The following RHCE variants were observed in gnomAD, a reference collection of about 807,000 sequenced individuals.
RHCE encodes the protein blood group Rh(CE) polypeptide.
In RHCE, 22 loss-of-function variants were observed where a neutral mutation model predicts 43.8. The ratio of observed to expected loss-of-function variants is 0.50; its 90% CI spans 0.36 to 0.72. The LOEUF is 0.72. RHCE is among the 30% of genes least tolerant of loss of function. RHCE has a pLI of 0.00. For missense variants in RHCE, 385 were observed against 525.4 expected (o/e 0.73, Z 2.61); for synonymous variants, 156 against 210.7 (o/e 0.74, Z 2.25).
rs1645426368 is a variant in RHCE at position 25,362,407 on chromosome 1, G to A, written c.*120C>T. 1.9e-6 allele frequency: 3 copies of A among 1,610,988 alleles called. No homozygotes were observed. Among genetic ancestry groups the A allele is most frequent in the South Asian group, 2.2e-5 (2 of 90,642 alleles). ...TAATATCAAATCTGTCTCTGACCTT[G>A]TTTCATTATACATAAGGAGACTTTG... On this transcript the variant is annotated 3_prime_UTR_variant, in exon 10 of 10. Coordinates refer to ENST00000294413, the MANE Select transcript of RHCE (RefSeq NM_020485.8).
At chr1:25,391,129 C>A (rs1218222323) in intron 4 of RHCE, among the ~76,000 whole-genome samples, 1 of 152,144 alleles carries the variant, frequency 6.6e-6, no homozygotes, top group African/African-American at 2.4e-5. Context: ...GGGTTGAAAT[C>A]TGCATACCCC....
intron 1 of RHCE, among the ~76,000 whole-genome samples, chr1:25,415,034 T>C (rs980716668): frequency 1.3e-5 from 2 of 152,074 alleles, no homozygotes; most frequent in Non-Finnish European, 2.9e-5. Flanking sequence ...AGAATGAACA[T>C]ATCATTGTTC....
upstream of RHCE, among the ~76,000 whole-genome samples, chr1:25,423,065 A>C (rs1220697053): frequency 6.6e-6 from 1 of 152,088 alleles, no homozygotes; most frequent in African/African-American, 2.4e-5. Flanking sequence ...GTCTTCTTCC[A>C]ATTCTAAAAG....
At chr1:25,413,089 C>G (rs1375527077) in intron 1 of RHCE, among the ~76,000 whole-genome samples, 1 of 152,124 alleles carries the variant, frequency 6.6e-6, no homozygotes, top group African/African-American at 2.4e-5. Context: ...ACAGCTGCTG[C>G]CCCTGATCCC....
intron 7 of RHCE, 179 bp downstream of exon 7, chr1:25,385,532 A>G (rs1646126463): frequency 1.1e-6 from 1 of 947,608 alleles, no homozygotes; most frequent in Non-Finnish European, 1.7e-6. Context: ...GAGAGGTGAT[A>G]AATCCATCCA....
intron 6 of RHCE, among the ~76,000 whole-genome samples, chr1:25,388,534 G>A (rs1439169913): frequency 6.6e-6 from 1 of 150,904 alleles, no homozygotes; most frequent in Admixed American, 6.6e-5. Context: ...TGGGATTGGG[G>A]CCAAGAGATT....
chr1:25,424,459 C>A (rs2042790330), upstream of RHCE, among the ~76,000 whole-genome samples: 1 of 152,084 alleles, frequency 6.6e-6, no homozygotes, highest in Non-Finnish European at 1.5e-5. Context: ...ACAATCTCGG[C>A]TCACTGCAAC....
intron 2 of RHCE, among the ~76,000 whole-genome samples, chr1:25,405,224 G>A (rs1646879185): frequency 6.6e-6 from 1 of 152,090 alleles, no homozygotes; most frequent in Non-Finnish European, 1.5e-5. Context: ...TAGGCGTGGT[G>A]GTGTGCACCC....
intron 1 of RHCE, among the ~76,000 whole-genome samples, chr1:25,418,644 G>C (rs1423633383): frequency 6.6e-6 from 1 of 152,214 alleles, no homozygotes; most frequent in Admixed American, 6.5e-5. Flanking sequence ...GCAATGTTAA[G>C]CCCAAGCTCA....
intron 7 of RHCE, among the ~76,000 whole-genome samples, chr1:25,382,953 G>A (rs972776322): frequency 6.6e-6 from 1 of 152,086 alleles, no homozygotes; most frequent in Non-Finnish European, 1.5e-5. Context: ...GAAATAGAAG[G>A]GAAATGGGAG....
At chr1:25,377,752 A>G (rs1380536628) in intron 7 of RHCE, among the ~76,000 whole-genome samples, 1 of 152,132 alleles carries the variant, frequency 6.6e-6, no homozygotes, top group African/African-American at 2.4e-5. Flanking sequence ...TGTCTATACA[A>G]AAATTCGGTG....
At chr1:25,418,864 T>C (rs190455828) in intron 1 of RHCE, among the ~76,000 whole-genome samples, 192 of 152,290 alleles carry the variant, frequency 1.3e-3, no homozygotes, top group Non-Finnish European at 1.9e-3. Flanking sequence ...CTGAGGACAT[T>C]TTGTACCTAC....
intron 8 of RHCE, among the ~76,000 whole-genome samples, chr1:25,372,536 T>C (rs1453841965): frequency 6.6e-6 from 1 of 151,084 alleles, no homozygotes; most frequent in African/African-American, 2.5e-5. Flanking sequence ...AAAAAAAGAA[T>C]TTCTCTTCCT....
chr1:25,386,925 G>A (rs917276820), intron 6 of RHCE, among the ~76,000 whole-genome samples: 3 of 152,024 alleles, frequency 2.0e-5, no homozygotes, highest in Non-Finnish European at 4.4e-5. Context: ...CAGCTACTCA[G>A]GAGGCTGAGG....
At chr1:25,419,211 A>G (rs1184834957) in intron 1 of RHCE, among the ~76,000 whole-genome samples, 1 of 152,236 alleles carries the variant, frequency 6.6e-6, no homozygotes, top group Non-Finnish European at 1.5e-5. Flanking sequence ...CCTGGTACAT[A>G]GTAAGTGCTC....
rs371838247 is a variant in RHCE at position 25,429,686 on chromosome 1, A to T, written c.-137+254T>A. On this transcript the variant is annotated intron_variant, in intron 1 of 11. Coordinates refer to the RHCE transcript ENST00000349320. ...ATTTAATAGCAATAGTAACATTATC[A>T]TCCATAGGGGAAAATTGGAAAACAA... Among the ~76,000 whole-genome samples, 109 of 152,326 alleles carry T rather than the reference A, an allele frequency of 7.2e-4. 3 individuals are homozygous for T. In the South Asian group the frequency reaches 0.022, roughly 31 times the overall value.
intron 2 of RHCE, among the ~76,000 whole-genome samples, chr1:25,404,580 G>C (rs1454341612): frequency 6.7e-6 from 1 of 149,342 alleles, no homozygotes; most frequent in African/African-American, 2.5e-5. Context: ...GTGTGCCGGC[G>C]GCGGTATTTC....
In RHCE at chr1:25,374,777, C is replaced by A. The variant is rs1182183677; in HGVS notation, c.1153+572G>T. On this transcript the variant is annotated intron_variant, in intron 8 of 9. Transcript: ENST00000294413. Reference sequence around the variant, plus strand: ...TACTCAGATAAGCTTTCCCTGACCACCCCCCTAAAAGAACACCCCATCCCA... The same window carrying A: ...TACTCAGATAAGCTTTCCCTGACCAACCCCCTAAAAGAACACCCCATCCCA... Among the ~76,000 whole-genome samples, 78 of 34,618 alleles carry A rather than the reference C, an allele frequency of 2.3e-3. 1 individual carries two copies. Among genetic ancestry groups the A allele is most frequent in the African/African-American group, 8.9e-3 (71 of 8,020 alleles). The allele number at this position is 34,618 out of a possible 152,430, so 22.7% of individuals were successfully genotyped here.
chr1:25,386,694 C>T (rs571251972), intron 6 of RHCE, among the ~76,000 whole-genome samples: 5 of 152,284 alleles, frequency 3.3e-5, no homozygotes, highest in Admixed American at 2.6e-4. Context: ...TGGTGGAGGG[C>T]GCCTGTAGTC....
Sources: gnomAD v4.1 joint callset for allele counts (sites outside exome capture counted in the v4.1 genomes callset) on GRCh38, gnomAD v4.1.1 for gene constraint, MANE v1.5 for transcripts, NCBI Gene and HGNC (gene_info 2026-07-23, HGNC 2026-07-21) for gene names.